PTPRD: variants seen among roughly 807,000 people sequenced by gnomAD.
PTPRD encodes receptor-type tyrosine-protein phosphatase delta.
In PTPRD, 34 loss-of-function variants were observed where a neutral mutation model predicts 214.5. The ratio of observed to expected loss-of-function variants is 0.16; its 90% CI spans 0.12 to 0.21. The LOEUF (loss-of-function observed/expected upper bound fraction) is 0.21, where lower values mean the gene tolerates loss of function less well. Ranked by LOEUF, PTPRD falls within the 10% of genes least tolerant of loss-of-function variation. The probability of loss-of-function intolerance (pLI) is 1.00; values close to 1 mark genes in which losing one functional copy is unlikely to be tolerated. For synonymous variants in PTPRD, 1,128 were observed against 845.7 expected (o/e 1.33, Z -5.79); for missense variants, 2,545 against 2,398.7 (o/e 1.06, Z -1.27).
intron 9 of PTPRD, among the ~76,000 whole-genome samples, chr9:9,193,682 T>C (rs1385683331): frequency 6.6e-6 from 1 of 152,098 alleles, no homozygotes; most frequent in African/African-American, 2.4e-5. Context: ...TAAAATATCA[T>C]CTAAAAGATA....
chr9:10,002,911 G>A (rs946723263), intron 4 of PTPRD, among the ~76,000 whole-genome samples: 18 of 151,592 alleles, frequency 1.2e-4, no homozygotes, highest in African/African-American at 3.9e-4. Context: ...TCTTCAGGAT[G>A]TATCATTATT....
chr9:10,144,093 T>C lies in PTPRD; in HGVS notation c.-544-110303A>G, dbSNP rs1174346830. ...TAATAAAATTAACATTTCCAATTAC[T>C]AAAGAAAAAAATAAAGTAATTTTAA... On this transcript the variant is annotated intron_variant, in intron 3 of 45. Coordinates refer to ENST00000381196, the MANE Select transcript of PTPRD (RefSeq NM_002839.4). Among the ~76,000 whole-genome samples the C allele has an allele frequency of 3.3e-5, 5 of 151,964 alleles. No individual in the cohort carries two copies. In the South Asian group the frequency reaches 8.3e-4, roughly 25 times the overall value.
chr9:9,124,993 C>A (rs531224278), intron 10 of PTPRD, among the ~76,000 whole-genome samples: 8 of 152,280 alleles, frequency 5.3e-5, no homozygotes, highest in African/African-American at 1.4e-4. Flanking sequence ...CCCTACCTTC[C>A]TTTTCTGTCT....
At chr9:9,067,073 T>C (rs1270827031) in intron 10 of PTPRD, among the ~76,000 whole-genome samples, 1 of 152,112 alleles carries the variant, frequency 6.6e-6, no homozygotes. Context: ...CAAAACCCTA[T>C]CTCTACTACA....
At chr9:9,227,050 T>A (rs1594041656) in intron 9 of PTPRD, among the ~76,000 whole-genome samples, 1 of 152,134 alleles carries the variant, frequency 6.6e-6, no homozygotes, top group East Asian at 1.9e-4. Flanking sequence ...AATTTCTGTT[T>A]ACTCTTATAA....
intron 5 of PTPRD, among the ~76,000 whole-genome samples, chr9:9,837,999 A>G (rs2057290485): frequency 6.6e-6 from 1 of 152,050 alleles, no homozygotes; most frequent in Non-Finnish European, 1.5e-5. Flanking sequence ...ATTCCCACCA[A>G]TGAGTGAGAA....
intron 9 of PTPRD, among the ~76,000 whole-genome samples, chr9:9,270,561 C>A (rs1244391483): frequency 6.6e-6 from 1 of 151,260 alleles, no homozygotes; most frequent in South Asian, 2.1e-4. Flanking sequence ...ATAATGTGCT[C>A]ATGCTGGTGA....
At chr9:8,586,198 G>A (rs1224533370) in intron 14 of PTPRD, among the ~76,000 whole-genome samples, 1 of 140,266 alleles carries the variant, frequency 7.1e-6, no homozygotes, top group Non-Finnish European at 1.5e-5. Flanking sequence ...TACTTCGGAG[G>A]TTGAGGCAGG....
intron 36 of PTPRD, among the ~76,000 whole-genome samples, chr9:8,390,543 G>C (rs576531385): frequency 1.3e-5 from 1 of 77,306 alleles, no homozygotes; most frequent in East Asian, 2.3e-4. Context: ...TTACTTGTCT[G>C]TTAAGTTGCT....
intron 3 of PTPRD, among the ~76,000 whole-genome samples, chr9:10,327,171 G>GTATA (rs33959310): frequency 0.024 from 3,479 of 142,776 alleles, 65 homozygotes; most frequent in Non-Finnish European, 0.035. Flanking sequence ...ATATGTGTGT[G>GTATA]TATATATATA....
At chr9:9,983,851 G>A (rs190058724) in intron 4 of PTPRD, among the ~76,000 whole-genome samples, 314 of 152,122 alleles carry the variant, frequency 2.1e-3, no homozygotes, top group African/African-American at 6.9e-3. Context: ...ATCTTTGGAG[G>A]GTAATGACAC....
At chr9:8,437,305 G>A in intron 34 of PTPRD, 3 of 1,216,930 alleles carry the variant, frequency 2.5e-6, no homozygotes, top group Non-Finnish European at 3.4e-6. Context: ...AAATGAAATG[G>A]AAAGCCTGAT....
intron 3 of PTPRD, among the ~76,000 whole-genome samples, chr9:10,170,936 C>G (rs548988946): frequency 6.6e-6 from 1 of 152,222 alleles, no homozygotes; most frequent in South Asian, 2.1e-4. Context: ...CTTCTCCACC[C>G]GGTATAATTT....
At chr9:9,316,749 T>C (rs1963377924) in intron 9 of PTPRD, among the ~76,000 whole-genome samples, 1 of 152,150 alleles carries the variant, frequency 6.6e-6, no homozygotes, top group African/African-American at 2.4e-5. Flanking sequence ...ACATGAAATA[T>C]TAAAATAACA....
intron 3 of PTPRD, among the ~76,000 whole-genome samples, chr9:10,269,807 A>G (rs575780168): frequency 6.6e-6 from 1 of 152,288 alleles, no homozygotes; most frequent in South Asian, 2.1e-4. Flanking sequence ...AAAAAGAAAA[A>G]TTATGTTCTG....
intron 11 of PTPRD, among the ~76,000 whole-genome samples, chr9:8,950,810 T>A (rs1020849260): frequency 1.3e-5 from 2 of 152,012 alleles, no homozygotes; most frequent in Admixed American, 1.3e-4. Context: ...GTTAGTTGAA[T>A]GGTTAAGCTA....
In PTPRD at chr9:8,340,481, A is replaced by G. The variant is rs2132371802; in HGVS notation, c.5127-12T>C. 6.4e-7 allele frequency: 1 copy of G among 1,554,224 alleles called. No individual in the cohort carries two copies. The highest frequency in any genetic ancestry group is 8.8e-7 in the Non-Finnish European group (1 of 1,137,774). ...AGGCTTTCTGTTGTCTGAATTACAG[A>G]GAATGAAAAGAATGTGTTAAAGTAT... On this transcript the variant is annotated splice_polypyrimidine_tract_variant and intron_variant, in intron 41 of 45. Coordinates refer to ENST00000381196, the MANE Select transcript of PTPRD (RefSeq NM_002839.4).
intron 3 of PTPRD, among the ~76,000 whole-genome samples, chr9:10,133,084 T>G (rs1383100780): frequency 6.6e-6 from 1 of 152,118 alleles, no homozygotes; most frequent in Non-Finnish European, 1.5e-5. Flanking sequence ...GGCAAAGAAT[T>G]TGAACTTCCA....
intron 14 of PTPRD, among the ~76,000 whole-genome samples, chr9:8,590,425 G>A (rs1237087764): frequency 6.6e-6 from 1 of 152,132 alleles, no homozygotes; most frequent in Non-Finnish European, 1.5e-5. Context: ...ACTTATCAGA[G>A]GGTGGGTAGA....
Sources: gnomAD v4.1 joint callset for allele counts (sites outside exome capture counted in the v4.1 genomes callset) on GRCh38, gnomAD v4.1.1 for gene constraint, MANE v1.5 for transcripts, NCBI Gene and HGNC (gene_info 2026-07-23, HGNC 2026-07-21) for gene names.